Variants in FBXW11 observed in about 807,000 individuals in gnomAD.
The protein encoded by FBXW11 is F-box and WD repeat domain containing 11.
A neutral mutation model predicts 77.6 loss-of-function variants in FBXW11; 19 were observed. The ratio of observed to expected loss-of-function variants is 0.24; its 90% CI spans 0.17 to 0.36. The LOEUF is 0.36. FBXW11 is among the 10% of genes least tolerant of loss of function. FBXW11 has a pLI of 1.00. For missense variants in FBXW11, 334 were observed against 704.2 expected, an observed-to-expected ratio of 0.47 and a Z score of 5.95; for synonymous variants, 235 against 249.4, an observed-to-expected ratio of 0.94 and a Z score of 0.54.
At chr5:171,899,117 T>C in intron 5 of FBXW11, 23 bp from the exon 6 acceptor site, 2 of 1,528,712 alleles carry the variant, frequency 1.3e-6, no homozygotes, top group Non-Finnish European at 1.8e-6. Flanking sequence ...AACAAACAGA[T>C]GTTACATTTT....
chr5:171,915,666 C>A (rs1261241398), intron 2 of FBXW11, among the ~76,000 whole-genome samples: 1 of 98,842 alleles, frequency 1.0e-5, no homozygotes, highest in African/African-American at 3.2e-5. Flanking sequence ...TGAGCAAGTT[C>A]TTTTACCATG....
In FBXW11 at chr5:171,947,169, T is replaced by C. The variant is rs376205245; in HGVS notation, c.147+10428A>G. 2.0e-4 allele frequency among the ~76,000 whole-genome samples: 31 copies of C among 152,314 alleles called. No individual in the cohort carries two copies. In the South Asian group the frequency reaches 6.4e-3, roughly 32 times the overall value. On this transcript the variant is annotated intron_variant, in intron 2 of 13. Transcript: ENST00000517395. The stretch of plus-strand genomic sequence containing the variant: ...GTAGGTTCTGAGACAACAAGGCTTT[T>C]TGTCTGTTTTGTGCACTCCTCTATT...
intron 2 of FBXW11, among the ~76,000 whole-genome samples, chr5:171,935,830 G>A (rs776029073): frequency 6.6e-6 from 1 of 152,154 alleles, no homozygotes; most frequent in Non-Finnish European, 1.5e-5. Context: ...ACAAGTCTGA[G>A]CCAGGTGTTG....
chr5:171,955,954 G>C (rs990136569), intron 2 of FBXW11, among the ~76,000 whole-genome samples: 1 of 152,046 alleles, frequency 6.6e-6, no homozygotes, highest in African/African-American at 2.4e-5. Flanking sequence ...CCCACCTCCA[G>C]AGAACTCACA....
At position 171,957,293 on chromosome 5, in the gene FBXW11, CAGG is replaced by C. The variant is rs531269318; in HGVS notation, c.147+301_147+303del. ...TTAAAGGTAGCCAAATGGAAAATGT[CAGG>C]AGTTTTTTTTGGCACATGCGCAACT... On this transcript the variant is annotated intron_variant, in intron 2 of 13. Coordinates refer to ENST00000517395, the MANE Select transcript of FBXW11 (RefSeq NM_001378974.1). 3.9e-4 allele frequency among the ~76,000 whole-genome samples: 59 copies of C among 152,248 alleles called. 3 individuals are homozygous for C. The South Asian group carries it at 0.011, about 27-fold the overall frequency.
intron 2 of FBXW11, among the ~76,000 whole-genome samples, chr5:171,928,414 A>G (rs190902657): frequency 6.6e-6 from 1 of 152,212 alleles, no homozygotes; most frequent in Admixed American, 6.5e-5. Flanking sequence ...TTCATTAGCA[A>G]TCTCAAGGGA....
At chr5:171,910,397 T>C (rs906820471) in intron 4 of FBXW11, among the ~76,000 whole-genome samples, 175 bp downstream of exon 4, 2 of 152,160 alleles carry the variant, frequency 1.3e-5, no homozygotes, top group South Asian at 4.1e-4. Context: ...ATACTGCCTA[T>C]ATTTCCTAGA....
chr5:171,926,602 G>A (rs759751792), intron 2 of FBXW11, among the ~76,000 whole-genome samples: 3 of 152,158 alleles, frequency 2.0e-5, no homozygotes, highest in Non-Finnish European at 4.4e-5. Flanking sequence ...CCGGCCACAC[G>A]AAGTGCCCGC....
intron 8 of FBXW11, among the ~76,000 whole-genome samples, chr5:171,877,741 C>T (rs1758195588): frequency 6.6e-6 from 1 of 152,134 alleles, no homozygotes; most frequent in African/African-American, 2.4e-5. Context: ...ACCACATAAC[C>T]AAAAGAAGAA....
Position 171,869,651 on chromosome 5 carries a change from A to G in FBXW11, c.1530+78T>C. 2 of 1,067,176 alleles carry G rather than the reference A, an allele frequency of 1.9e-6. No individual in the cohort carries two copies. Among genetic ancestry groups the G allele is most frequent in the Non-Finnish European group, 2.7e-6 (2 of 750,402 alleles). 66.1% of individuals were successfully genotyped at this position (1,067,176 alleles called of 1,614,324 possible). On this transcript the variant is annotated intron_variant, in intron 12 of 13. Transcript: ENST00000517395. The surrounding 1 kb of genome is among the most constrained non-coding windows in gnomAD (Gnocchi z 4.1). ...TGTGAGACACACAAGCGTTCCTGTG[A>G]TACACCTAGACAGGACTATCTGCAA...
chr5:171,892,804 T>C (rs1418186382), intron 6 of FBXW11, among the ~76,000 whole-genome samples: 3 of 152,236 alleles, frequency 2.0e-5, no homozygotes, highest in African/African-American at 7.2e-5. Context: ...GGGATTTCTA[T>C]AACCTGTTAC....
At chr5:171,910,507 C>T (rs539649512) in intron 4 of FBXW11, 65 bp downstream of exon 4, 2 of 1,073,990 alleles carry the variant, frequency 1.9e-6, no homozygotes, top group East Asian at 5.0e-5. Context: ...TCATAAATAT[C>T]CACCTAGGTC....
intron 7 of FBXW11, 82 bp downstream of exon 7, chr5:171,891,385 G>C: frequency 7.5e-7 from 1 of 1,339,934 alleles, no homozygotes; most frequent in Non-Finnish European, 1.0e-6. Flanking sequence ...CCAATCTAGA[G>C]TAAATGGAAA....
At chr5:171,983,955 T>C (rs566156194) in intron 1 of FBXW11, among the ~76,000 whole-genome samples, 1 of 150,300 alleles carries the variant, frequency 6.7e-6, no homozygotes, top group Non-Finnish European at 1.5e-5. Context: ...ACAAACAAAC[T>C]GAATATTTAC....
intron 2 of FBXW11, among the ~76,000 whole-genome samples, chr5:171,936,109 T>TAAAAA (rs61349170): frequency 1.0e-3 from 60 of 59,330 alleles, no homozygotes; most frequent in African/African-American, 3.8e-3. Flanking sequence ...AGACTCCATC[T>TAAAAA]AAAAAAAAAA....
chr5:171,889,815 G>C (rs1476890907), intron 7 of FBXW11, among the ~76,000 whole-genome samples: 1 of 152,148 alleles, frequency 6.6e-6, no homozygotes, highest in African/African-American at 2.4e-5. Context: ...TCAAACCCGG[G>C]AGGCGGAGGT....
chr5:171,899,226 G>A (rs1011003509), intron 5 of FBXW11, 132 bp from the exon 6 acceptor site: 3 of 575,398 alleles, frequency 5.2e-6, no homozygotes, highest in Non-Finnish European at 8.8e-6. Flanking sequence ...TCAAAAGCAG[G>A]ATTTCTGACA....
intron 1 of FBXW11, among the ~76,000 whole-genome samples, chr5:171,969,280 A>C (rs777260172): frequency 3.4e-4 from 52 of 151,898 alleles, no homozygotes; most frequent in Admixed American, 9.8e-4. Context: ...ATCACCCCCC[A>C]AAAAAAAGAA....
chr5:171,899,072 T>C lies in FBXW11; in HGVS notation c.646A>G (p.Arg216Gly). ...RGWDQYLFKN[R>G]PTDGPPNSFY... ...GAATTTGGAGGGCCATCTGTGGGTC[T>C]GTTTTTAAACAGGTACTGATCCCTG... The change falls in exon 6 of 14, where the codon AGA (arginine) becomes GGA (glycine). Residue 216 changes from arginine to glycine, a missense_variant. Physicochemically the swap from Arg to Gly is moderately radical, Grantham distance 125 (BLOSUM62 -2). Coordinates refer to ENST00000517395, the MANE Select transcript of FBXW11 (RefSeq NM_001378974.1). 1 of 1,608,758 alleles carries C rather than the reference T, an allele frequency of 6.2e-7. No individual in the cohort carries two copies. The highest frequency in any genetic ancestry group is 8.5e-7 in the Non-Finnish European group (1 of 1,177,990).
Sources: allele counts gnomAD v4.1 joint callset (sites outside exome capture counted in the v4.1 genomes callset), GRCh38; gene constraint gnomAD v4.1.1; non-coding constraint Gnocchi (gnomAD v3.1); transcripts MANE v1.5; gene names NCBI Gene and HGNC (gene_info 2026-07-23, HGNC 2026-07-21).